The following IQSEC1 variants were observed in gnomAD, a reference collection of about 807,000 sequenced individuals.
IQSEC1 encodes IQ motif and Sec7 domain ArfGEF 1.
Under a neutral mutation model 91.0 loss-of-function variants are expected in IQSEC1, and 31 were observed. The ratio of observed to expected loss-of-function variants is 0.34; its 90% CI spans 0.26 to 0.46. IQSEC1 has a LOEUF of 0.46. Ranked by LOEUF, IQSEC1 falls within the 20% of genes least tolerant of loss-of-function variation. IQSEC1 has a pLI of 1.00. For missense variants in IQSEC1, 1,388 were observed against 1,575.6 expected (o/e 0.88, Z 2.02); for synonymous variants, 699 against 662.6 (o/e 1.05, Z -0.84).
At chr3:13,266,279 A>G (rs941764425) in intron 1 of IQSEC1, among the ~76,000 whole-genome samples, 2 of 152,238 alleles carry the variant, frequency 1.3e-5, no homozygotes, top group African/African-American at 4.8e-5. Flanking sequence ...ACAGTGTTCC[A>G]TCTCAATGCC....
At chr3:13,105,266 C>T (rs2124843695) in intron 2 of IQSEC1, among the ~76,000 whole-genome samples, 1 of 152,248 alleles carries the variant, frequency 6.6e-6, no homozygotes, top group East Asian at 1.9e-4. Flanking sequence ...CCAGGGGACT[C>T]TACCACTCTC....
At chr3:13,158,098 T>C (rs903472) in intron 2 of IQSEC1, among the ~76,000 whole-genome samples, 84,998 of 152,074 alleles carry the variant, frequency 0.56, 23,869 homozygotes, top group Middle Eastern at 0.61. Context: ...GCCCCCAGTG[T>C]CTGTACTCTT....
At chr3:13,119,315 C>A (rs1706387173) in intron 2 of IQSEC1, among the ~76,000 whole-genome samples, 1 of 152,046 alleles carries the variant, frequency 6.6e-6, no homozygotes, top group Non-Finnish European at 1.5e-5. Flanking sequence ...TCTGAGGAGC[C>A]CAAAGCTGAA....
At chr3:13,161,266 G>A (rs1707170149) in intron 2 of IQSEC1, among the ~76,000 whole-genome samples, 1 of 152,212 alleles carries the variant, frequency 6.6e-6, no homozygotes, top group Non-Finnish European at 1.5e-5. Context: ...CAGGGCCACT[G>A]CCACAGTGTG....
intron 1 of IQSEC1, among the ~76,000 whole-genome samples, chr3:13,229,080 GCATACACACACACACTCT>G (rs1426205339): frequency 1.3e-5 from 2 of 152,112 alleles, no homozygotes; most frequent in African/African-American, 4.8e-5. Flanking sequence ...GGCACCACTG[GCATACACACACACACTCT>G]CATATACACC....
intron 1 of IQSEC1, among the ~76,000 whole-genome samples, chr3:13,192,942 CAG>C (rs1694062503): frequency 1.3e-5 from 2 of 152,258 alleles, no homozygotes; most frequent in Non-Finnish European, 2.9e-5. Context: ...AGTGCAGAAC[CAG>C]AGTGAGGCCT....
chr3:13,026,608 TGCCATGAAGAAG>T (rs1314785813), intron 1 of IQSEC1, among the ~76,000 whole-genome samples: 12 of 152,364 alleles, frequency 7.9e-5, no homozygotes. Flanking sequence ...CAGTGGGCTG[TGCCATGAAGAAG>T]GCGTATAAAC....
intron 1 of IQSEC1, chr3:12,987,142 C>T (rs544014904): frequency 8.8e-5 from 21 of 238,730 alleles, no homozygotes; most frequent in South Asian, 4.7e-4. Flanking sequence ...CGCCAGCTCC[C>T]GAGTCAGCGC....
At chr3:12,984,417 C>G (rs1165417321) in intron 1 of IQSEC1, among the ~76,000 whole-genome samples, 1 of 152,186 alleles carries the variant, frequency 6.6e-6, no homozygotes, top group Non-Finnish European at 1.5e-5. Context: ...AACAAGAATG[C>G]CATTAGAGTG....
At chr3:13,107,337 C>T (rs566273295) in intron 2 of IQSEC1, among the ~76,000 whole-genome samples, 3 of 152,252 alleles carry the variant, frequency 2.0e-5, no homozygotes, top group Non-Finnish European at 4.4e-5. Flanking sequence ...CAAGTTAAGG[C>T]AGCGGCCATT....
At chr3:13,157,835 G>C (rs1167305643) in intron 2 of IQSEC1, among the ~76,000 whole-genome samples, 10 of 152,342 alleles carry the variant, frequency 6.6e-5, no homozygotes, top group Admixed American at 5.2e-4. Context: ...CATGGCATGT[G>C]CTGTTCCATC....
intron 1 of IQSEC1, among the ~76,000 whole-genome samples, chr3:13,256,227 G>C (rs562990050): frequency 9.2e-5 from 14 of 152,222 alleles, no homozygotes; most frequent in Non-Finnish European, 1.6e-4. Flanking sequence ...GCTGCACACT[G>C]AGTGTCAGGT....
rs547158766 is a variant in IQSEC1, at chr3:13,232,436, C to T, written c.272+50275G>A. The stretch of plus-strand genomic sequence containing the variant: ...TCTGGCAGGAGGCTGTCGCAGGAAA[C>T]GCTTGTAGCAGTAATTCACAGGGAG... On this transcript the variant is annotated intron_variant, in intron 1 of 15. Coordinates refer to the IQSEC1 transcript ENST00000648114. Among the ~76,000 whole-genome samples the T allele has an allele frequency of 2.3e-4, 35 of 152,320 alleles. No individual in the cohort carries two copies. The South Asian group carries it at 6.6e-3, about 29-fold the overall frequency.
intron 1 of IQSEC1, among the ~76,000 whole-genome samples, chr3:13,276,077 A>ATTAT (rs1406168404): frequency 1.2e-5 from 1 of 85,600 alleles, no homozygotes; most frequent in Non-Finnish European, 2.3e-5. Context: ...CCTCAAAAGC[A>ATTAT]TTCTTTTTTT....
intron 1 of IQSEC1, chr3:13,015,708 C>A (rs1482137048): frequency 6.1e-6 from 6 of 985,276 alleles, no homozygotes; most frequent in Middle Eastern, 5.2e-4. Flanking sequence ...CCTGCTCAGT[C>A]GGCATCCAGG....
At chr3:13,139,178 G>C (rs978652813) in intron 2 of IQSEC1, among the ~76,000 whole-genome samples, 1 of 152,212 alleles carries the variant, frequency 6.6e-6, no homozygotes, top group Non-Finnish European at 1.5e-5. Flanking sequence ...AGAAACTCAA[G>C]GGCCTCGTGG....
chr3:13,266,056 G>A (rs887448000), intron 1 of IQSEC1, among the ~76,000 whole-genome samples: 4 of 151,228 alleles, frequency 2.6e-5, no homozygotes, highest in Admixed American at 1.3e-4. Context: ...GATCATGACC[G>A]AGGTCCACTA....
At chr3:13,110,589 A>G (rs1576254671) in intron 2 of IQSEC1, among the ~76,000 whole-genome samples, 1 of 152,152 alleles carries the variant, frequency 6.6e-6, no homozygotes, top group Non-Finnish European at 1.5e-5. Context: ...CTTCGTTTCA[A>G]CCAAACTGTC....
intron 1 of IQSEC1, among the ~76,000 whole-genome samples, chr3:13,252,950 T>C (rs1210013562): frequency 6.6e-6 from 1 of 152,188 alleles, no homozygotes. Flanking sequence ...GCCAGGATGG[T>C]CTCGATCTCC....
Sources: gnomAD v4.1 joint callset for allele counts (sites outside exome capture counted in the v4.1 genomes callset) on GRCh38, gnomAD v4.1.1 for gene constraint, MANE v1.5 for transcripts, NCBI Gene and HGNC (gene_info 2026-07-23, HGNC 2026-07-21) for gene names.